Variants in FRMPD4 observed in about 807,000 individuals in gnomAD.
FRMPD4 encodes FERM and PDZ domain-containing protein 4.
A neutral mutation model predicts 94.1 loss-of-function variants in FRMPD4; 22 were observed. That is an observed-to-expected ratio of 0.23 (90% CI 0.17 to 0.33). The LOEUF (loss-of-function observed/expected upper bound fraction) is 0.33, where lower values mean the gene tolerates loss of function less well. Among genes scored for constraint, FRMPD4 ranks in the 10% least tolerant of loss-of-function variants. The pLI, the probability that FRMPD4 is intolerant of heterozygous loss-of-function variation, is 1.00. For synonymous variants in FRMPD4, 631 were observed against 548.6 expected, an observed-to-expected ratio of 1.15 and a Z score of -2.10; for missense variants, 1,111 against 1,339.9, an observed-to-expected ratio of 0.83 and a Z score of 2.67.
At chrX:12,048,676 A>G (rs989549077) in intron 3 of FRMPD4, among the ~76,000 whole-genome samples, 3 of 112,100 alleles carry the variant, frequency 2.7e-5, no homozygotes, top group African/African-American at 9.7e-5. Flanking sequence ...AGTAAAAAGT[A>G]TGGGTACAGT....
chrX:11,894,649 A>T (rs188515839), intron 3 of FRMPD4, among the ~76,000 whole-genome samples: 27 of 112,168 alleles, frequency 2.4e-4, no homozygotes, highest in African/African-American at 6.8e-4. Flanking sequence ...TGCATAAAAA[A>T]AATTCAGGAA....
intron 1 of FRMPD4, among the ~76,000 whole-genome samples, chrX:11,833,384 G>C (rs1209633682): frequency 1.8e-5 from 2 of 112,111 alleles, no homozygotes; most frequent in African/African-American, 6.5e-5. Flanking sequence ...TGGATCATAT[G>C]ATAAGAGTAT....
chrX:11,964,284 C>T (rs981263848), intron 3 of FRMPD4, among the ~76,000 whole-genome samples: 6 of 109,901 alleles, frequency 5.5e-5, no homozygotes, highest in Non-Finnish European at 7.6e-5. Context: ...CTCAGCCTCC[C>T]GAGTAGCTGG....
chrX:12,612,541 A>T (rs1254006054), intron 3 of FRMPD4, among the ~76,000 whole-genome samples: 2 of 112,313 alleles, frequency 1.8e-5, no homozygotes, highest in Non-Finnish European at 3.8e-5. Context: ...AGTTCTCTTG[A>T]AGTGTGCCAC....
At chrX:12,695,624 C>T (rs1434507566) in intron 9 of FRMPD4, among the ~76,000 whole-genome samples, 9 of 111,352 alleles carry the variant, frequency 8.1e-5, no homozygotes, top group Admixed American at 7.6e-4. Context: ...AGGCTGGTCT[C>T]AAACTCCTGA....
chrX:12,146,394 A>AT (rs752955499), intron 1 of FRMPD4, among the ~76,000 whole-genome samples: 1 of 109,906 alleles, frequency 9.1e-6, no homozygotes, highest in African/African-American at 3.3e-5. Flanking sequence ...AAAGAGAACC[A>AT]TATTTCTCTG....
At chrX:12,412,335 G>A (rs979550089) in intron 1 of FRMPD4, among the ~76,000 whole-genome samples, 1 of 112,006 alleles carries the variant, frequency 8.9e-6, no homozygotes, top group Non-Finnish European at 1.9e-5. Context: ...TGGATTTGAC[G>A]TCATCTTGCT....
At chrX:12,463,692 G>GTTTTTTTTTTTTTTTTTTTT (rs1235218164) in intron 1 of FRMPD4, among the ~76,000 whole-genome samples, 1 of 81,750 alleles carries the variant, frequency 1.2e-5, no homozygotes, top group African/African-American at 4.9e-5. Flanking sequence ...TTTTTTTTTT[G>GTTTTTTTTTTTTTTTTTTTT]TTTTTGTTTT....
intron 2 of FRMPD4, among the ~76,000 whole-genome samples, chrX:12,561,754 T>C (rs1170781244): frequency 8.9e-6 from 1 of 112,294 alleles, no homozygotes; most frequent in African/African-American, 3.2e-5. Context: ...TCTTATGGCA[T>C]AGTTTTATTA....
At chrX:12,553,441 T>TAA in intron 2 of FRMPD4, among the ~76,000 whole-genome samples, 1 of 37,003 alleles carries the variant, frequency 2.7e-5, no homozygotes, top group African/African-American at 8.9e-5. Context: ...TGCCTATATA[T>TAA]ATATATATAT....
chrX:12,067,405 GTTTGTT>G (rs774385502), intron 3 of FRMPD4, among the ~76,000 whole-genome samples: 16 of 109,382 alleles, frequency 1.5e-4, no homozygotes, highest in African/African-American at 4.4e-4. Flanking sequence ...TTGTTTGTTT[GTTTGTT>G]TTTGTTTTTG....
intron 4 of FRMPD4, among the ~76,000 whole-genome samples, chrX:12,619,794 G>A: frequency 9.0e-6 from 1 of 111,719 alleles, no homozygotes; most frequent in Non-Finnish European, 1.9e-5. Context: ...AGTCCCACCT[G>A]TCCTGGGACC....
Position 12,192,781 on chromosome X carries a change from G to T in FRMPD4, c.41+53769G>T, listed in dbSNP as rs1471525651. ...AGAGCCTCTGATTCCTTAGGTCTGG[G>T]ATGGTGCCTGAGATTTGTATTTGTA... On this transcript the variant is annotated intron_variant, in intron 1 of 16. Coordinates refer to ENST00000675598, the MANE Select transcript of FRMPD4 (RefSeq NM_001368397.1). 3.6e-5 allele frequency among the ~76,000 whole-genome samples: 4 copies of T among 111,629 alleles called. No homozygotes were observed. The South Asian group carries it at 1.5e-3, about 42-fold the overall frequency.
At chrX:12,706,724 T>C in intron 11 of FRMPD4, 102 bp from the exon 12 acceptor site, 1 of 444,163 alleles carries the variant, frequency 2.3e-6, no homozygotes, top group Non-Finnish European at 3.9e-6. Flanking sequence ...TTTTCAGCCG[T>C]AAAATCATCC....
chrX:12,685,571 G>GTT (rs2060014072), intron 6 of FRMPD4, among the ~76,000 whole-genome samples: 1 of 110,442 alleles, frequency 9.1e-6, no homozygotes, highest in South Asian at 3.8e-4. Context: ...TTTTGTTTTT[G>GTT]TTTTTGTTTT....
chrX:11,877,796 C>T (rs2053793595), intron 2 of FRMPD4, among the ~76,000 whole-genome samples: 1 of 111,921 alleles, frequency 8.9e-6, no homozygotes, highest in African/African-American at 3.2e-5. Flanking sequence ...TCGATTCCTC[C>T]TCTCCTTCCT....
At chrX:12,598,239 G>A (rs1468915283) in intron 2 of FRMPD4, among the ~76,000 whole-genome samples, 2 of 110,278 alleles carry the variant, frequency 1.8e-5, no homozygotes, top group South Asian at 3.9e-4. Flanking sequence ...TTTGTTTCAC[G>A]GCACCTACTA....
intron 2 of FRMPD4, among the ~76,000 whole-genome samples, chrX:11,877,591 AG>A (rs1421864079): frequency 8.9e-6 from 1 of 112,209 alleles, no homozygotes; most frequent in African/African-American, 3.2e-5. Flanking sequence ...GTTCCATGTC[AG>A]ACCTAATTGC....
At chrX:12,212,554 A>T (rs1201326988) in intron 1 of FRMPD4, among the ~76,000 whole-genome samples, 1 of 111,401 alleles carries the variant, frequency 9.0e-6, no homozygotes, top group East Asian at 2.8e-4. Context: ...CGGTGTTGAC[A>T]ACCAGCCTAG....
Sources: gnomAD v4.1 joint callset for allele counts (sites outside exome capture counted in the v4.1 genomes callset) on GRCh38, gnomAD v4.1.1 for gene constraint, MANE v1.5 for transcripts, NCBI Gene and HGNC (gene_info 2026-07-23, HGNC 2026-07-21) for gene names.